Variants in ABCA13 observed in about 807,000 individuals in gnomAD.
The protein encoded by ABCA13 is ATP binding cassette subfamily A member 13.
Under a neutral mutation model 478.7 loss-of-function variants are expected in ABCA13, and 476 were observed. That is an observed-to-expected ratio of 0.99 (90% confidence interval 0.92 to 1.07). ABCA13 has a LOEUF of 1.07. Among genes scored for constraint, ABCA13 ranks in the 50% least tolerant of loss-of-function variants. The probability of loss-of-function intolerance (pLI) is 0.00; values close to 1 mark genes in which losing one functional copy is unlikely to be tolerated. For synonymous variants in ABCA13, 2,252 were observed against 2,158.9 expected (o/e 1.04, Z -1.20); for missense variants, 6,060 against 5,910.6 (o/e 1.03, Z -0.83).
chr7:48,477,987 G>C (rs1563323337), intron 45 of ABCA13, among the ~76,000 whole-genome samples: 1 of 151,788 alleles, frequency 6.6e-6, no homozygotes, highest in African/African-American at 2.4e-5. Flanking sequence ...TCATCTAATG[G>C]AAAACACCAT....
chr7:48,239,305 A>G lies in ABCA13; in HGVS notation c.962A>G (p.Glu321Gly), dbSNP rs2129010447. The change falls in exon 9 of 62, where the codon GAA (glutamate) becomes GGA (glycine). Residue 321 changes from glutamate (E) to glycine (G), a missense_variant. By Grantham distance (98) the Glu-to-Gly change is moderately conservative (BLOSUM62 -2). Transcript: ENST00000435803. ...CSVLSSTSED[E>G]AEKWGHVGGC... Reference sequence around the variant, plus strand: ...GTCTTGTCTAGCACATCAGAGGATGAAGCTGAGAAATGGGGCCACGTTGGA... The same window carrying G: ...GTCTTGTCTAGCACATCAGAGGATGGAGCTGAGAAATGGGGCCACGTTGGA... 6.2e-7 allele frequency: 1 copy of G among 1,614,014 alleles called. No homozygotes were observed. The highest frequency in any genetic ancestry group is 2.2e-5 in the East Asian group (1 of 44,884).
chr7:48,638,964 A>G (rs192408478), intron 59 of ABCA13, among the ~76,000 whole-genome samples: 2 of 152,278 alleles, frequency 1.3e-5, no homozygotes, highest in East Asian at 3.9e-4. Context: ...ATTCCCTTGG[A>G]GTTGTGTGAC....
At chr7:48,638,473 T>G (rs114881952) in intron 59 of ABCA13, among the ~76,000 whole-genome samples, 2,401 of 152,154 alleles carry the variant, frequency 0.016, 54 homozygotes, top group African/African-American at 0.054. Flanking sequence ...TTCAAAGAGG[T>G]TTTCTTCTCC....
intron 28 of ABCA13, 32 bp from the exon 29 acceptor site, chr7:48,338,333 T>A (rs1258343134): frequency 4.1e-6 from 6 of 1,453,184 alleles, no homozygotes; most frequent in Non-Finnish European, 5.6e-6. Context: ...ATAATGCAAT[T>A]ATTTTTATTA....
intron 15 of ABCA13, among the ~76,000 whole-genome samples, chr7:48,262,503 C>T (rs1376447697): frequency 2.0e-5 from 3 of 151,840 alleles, no homozygotes; most frequent in African/African-American, 7.3e-5. Flanking sequence ...TAAACTTTTC[C>T]TTCTCTGCTA....
rs913490515 is a variant in ABCA13 at position 48,200,229 on chromosome 7, C to T, written c.287+1869C>T. ...AAAATACCAAGAAATTAGCTGGACA[C>T]GGTGGCAGATGCCTGTAATCCCAGC... On this transcript the variant is annotated intron_variant, in intron 3 of 61. Coordinates refer to ENST00000435803, the MANE Select transcript of ABCA13 (RefSeq NM_152701.5). 2.4e-4 allele frequency among the ~76,000 whole-genome samples: 37 copies of T among 152,208 alleles called. 1 individual carries two copies. The highest frequency in any genetic ancestry group is 7.9e-4 in the African/African-American group (33 of 41,534).
At chr7:48,619,596 GTCCGGCACA>G (rs1792931742) in intron 59 of ABCA13, among the ~76,000 whole-genome samples, 1 of 152,170 alleles carries the variant, frequency 6.6e-6, no homozygotes, top group Non-Finnish European at 1.5e-5. Flanking sequence ...CAGAGAGTGA[GTCCGGCACA>G]TGCCCGGTGA....
At chr7:48,294,442 G>T (rs60880302) in intron 20 of ABCA13, among the ~76,000 whole-genome samples, 7,376 of 28,742 alleles carry the variant, frequency 0.26, 427 homozygotes, top group East Asian at 0.43. Context: ...TTTTTTTTTT[G>T]TTTTGTTTTT....
At chr7:48,512,707 GTTGTT>G (rs574736355) in intron 51 of ABCA13, among the ~76,000 whole-genome samples, 338 of 152,280 alleles carry the variant, frequency 2.2e-3, no homozygotes, top group Non-Finnish European at 3.4e-3. Flanking sequence ...ATTTTTATTA[GTTGTT>G]TTGATTGTGA....
chr7:48,521,633 G>A (rs1347639501), intron 53 of ABCA13, among the ~76,000 whole-genome samples: 1 of 151,966 alleles, frequency 6.6e-6, no homozygotes, highest in Non-Finnish European at 1.5e-5. Context: ...TGTAATGTAG[G>A]ATCCCCCTTG....
At chr7:48,185,919 CT>C (rs902268203) in intron 1 of ABCA13, among the ~76,000 whole-genome samples, 7 of 151,838 alleles carry the variant, frequency 4.6e-5, no homozygotes, top group African/African-American at 1.7e-4. Context: ...TGGTATCAAT[CT>C]TTTTGTTATG....
chr7:48,354,642 C>T (rs1314394229), intron 31 of ABCA13, among the ~76,000 whole-genome samples: 1 of 152,062 alleles, frequency 6.6e-6, no homozygotes, highest in African/African-American at 2.4e-5. Context: ...TACTGGGATA[C>T]AGCAATATAA....
chr7:48,606,865 A>G (rs1256243473), intron 58 of ABCA13, among the ~76,000 whole-genome samples: 1 of 152,160 alleles, frequency 6.6e-6, no homozygotes, highest in Admixed American at 6.5e-5. Flanking sequence ...GGTTTTATCT[A>G]TAAGTCCCTG....
intron 55 of ABCA13, among the ~76,000 whole-genome samples, chr7:48,564,926 C>A (rs1320874790): frequency 1.3e-5 from 2 of 152,038 alleles, no homozygotes; most frequent in African/African-American, 4.8e-5. Context: ...ATCTCTAACA[C>A]TAACTTTGTG....
intron 10 of ABCA13, among the ~76,000 whole-genome samples, chr7:48,243,750 G>A (rs560486410): frequency 3.9e-5 from 6 of 152,342 alleles, no homozygotes; most frequent in East Asian, 3.9e-4. Context: ...CGAAATGGAC[G>A]CCAGGCACTC....
intron 30 of ABCA13, among the ~76,000 whole-genome samples, chr7:48,351,096 A>G (rs1808902281): frequency 1.3e-5 from 2 of 152,204 alleles, no homozygotes; most frequent in African/African-American, 4.8e-5. Flanking sequence ...ATCTGCTTTT[A>G]CCCTTTTATA....
chr7:48,442,277 G>T (rs1823722199), intron 42 of ABCA13, among the ~76,000 whole-genome samples: 1 of 144,532 alleles, frequency 6.9e-6, no homozygotes, highest in Non-Finnish European at 1.5e-5. Flanking sequence ...CTGCCAAACT[G>T]CCACAGACTG....
chr7:48,614,845 T>G lies in ABCA13; in HGVS notation c.14745-440T>G, dbSNP rs1429891332. Reference sequence around the variant, plus strand: ...GTGGGAATTGAACAATGAGAACACATGGACACAGGAAAGGGAACATCACAT... The same window carrying G: ...GTGGGAATTGAACAATGAGAACACAGGGACACAGGAAAGGGAACATCACAT... On this transcript the variant is annotated intron_variant, in intron 58 of 61. Coordinates refer to ENST00000435803, the MANE Select transcript of ABCA13 (RefSeq NM_152701.5). Among the ~76,000 whole-genome samples the G allele has an allele frequency of 1.1e-3, 133 of 124,504 alleles. 3 individuals are homozygous for G. Among genetic ancestry groups the G allele is most frequent in the African/African-American group, 3.9e-3 (127 of 32,614 alleles). The allele number at this position is 124,504 out of a possible 152,430, so 81.7% of individuals were successfully genotyped here.
intron 47 of ABCA13, among the ~76,000 whole-genome samples, chr7:48,484,042 C>A (rs1829047420): frequency 6.6e-6 from 1 of 152,168 alleles, no homozygotes; most frequent in South Asian, 2.1e-4. Flanking sequence ...TCCATGAGCC[C>A]AGGAAGGCAC....
Sources: allele counts gnomAD v4.1 joint callset (sites outside exome capture counted in the v4.1 genomes callset), GRCh38; gene constraint gnomAD v4.1.1; transcripts MANE v1.5; gene names NCBI Gene and HGNC (gene_info 2026-07-23, HGNC 2026-07-21).